The following WDR11 variants were observed in gnomAD, a reference collection of about 807,000 sequenced individuals.
WDR11 encodes WD repeat-containing protein 11.
Under a neutral mutation model 151.2 loss-of-function variants are expected in WDR11, and 83 were observed. The ratio of observed to expected loss-of-function variants is 0.55; its 90% CI spans 0.46 to 0.66. The LOEUF (loss-of-function observed/expected upper bound fraction) is 0.66. Among genes scored for constraint, WDR11 ranks in the 30% least tolerant of loss-of-function variants. The pLI is 0.00. For synonymous variants in WDR11, 484 were observed against 533.1 expected, an observed-to-expected ratio of 0.91 and a Z score of 1.27; for missense variants, 1,301 against 1,480.9, an observed-to-expected ratio of 0.88 and a Z score of 1.99.
chr10:120,878,263 T>G, intron 11 of WDR11, 90 bp from the exon 12 acceptor site: 1 of 966,856 alleles, frequency 1.0e-6, no homozygotes, highest in Non-Finnish European at 1.6e-6. Context: ...TAATAAAATT[T>G]AGGTCTTTGG....
chr10:120,883,186 T>C lies in WDR11; in HGVS notation c.1740-594T>C, dbSNP rs144613546. On this transcript the variant is annotated intron_variant, in intron 13 of 28. Transcript: ENST00000263461. ...AATCTCAGTCCTTTGATACAGGGAG[T>C]ACAGGGATCTTCCTACTCTGTCACA... is the stretch of plus-strand genomic sequence containing the variant. 7.2e-3 allele frequency among the ~76,000 whole-genome samples: 1,097 copies of C among 152,160 alleles called. 26 individuals carry two copies. The highest frequency in any genetic ancestry group is 0.025 in the African/African-American group (1,024 of 41,550).
chr10:120,902,070 T>A (rs1170619915), intron 21 of WDR11, among the ~76,000 whole-genome samples, 187 bp from the exon 22 acceptor site: 11 of 152,228 alleles, frequency 7.2e-5, no homozygotes, highest in Non-Finnish European at 1.2e-4. Context: ...CTCCAAGCCT[T>A]GAGAACACTC....
chr10:120,866,658 G>C lies in WDR11; in HGVS notation c.1084G>C (p.Val362Leu). The change falls in exon 8 of 29, where the codon GTG becomes CTG. Residue 362 changes from valine (V) to leucine (L), a missense_variant. Transcript: ENST00000263461. ...AAAAACCGTCCGTCCCTTCAGTATG[G>C]TGTGCTGTCCTGTCAATGAGAATGC... ...VTKTVRPFSM[V>L]CCPVNENAAA... 6.2e-7 allele frequency: 1 copy of C among 1,614,178 alleles called. No individual in the cohort carries two copies. The highest frequency in any genetic ancestry group is 8.5e-7 in the Non-Finnish European group (1 of 1,180,034).
At position 120,896,098 on chromosome 10, in the gene WDR11, A is replaced by G. The variant is rs79171329; in HGVS notation, c.2516-3931A>G. Among the ~76,000 whole-genome samples, 1,145 of 152,324 alleles carry G rather than the reference A, an allele frequency of 7.5e-3. 12 individuals carry two copies. Among genetic ancestry groups the G allele is most frequent in the African/African-American group, 0.026 (1,075 of 41,574 alleles). ...TGAATAAATCTGGGGACATCTGCAG[A>G]ATGGAGTAATCTATGCAGCTGTAAA... On this transcript the variant is annotated intron_variant, in intron 19 of 28. Transcript: ENST00000263461.
intron 2 of WDR11, chr10:120,856,238 A>G (rs1845940924): frequency 6.6e-6 from 1 of 152,208 alleles, no homozygotes; most frequent in African/African-American, 2.4e-5. Flanking sequence ...AAGGATATAG[A>G]ATTCTGGGTT....
intron 9 of WDR11, among the ~76,000 whole-genome samples, chr10:120,869,203 C>T (rs890755363): frequency 5.3e-5 from 8 of 150,588 alleles, no homozygotes; most frequent in Non-Finnish European, 8.8e-5. Context: ...CTCCGCCTCC[C>T]GGGTTCACGC....
chr10:120,890,909 G>A (rs778718679), intron 19 of WDR11, 22 bp downstream of exon 19: 18 of 1,613,412 alleles, frequency 1.1e-5, no homozygotes, highest in Admixed American at 3.3e-5. Context: ...TAATGATAGG[G>A]GGCTTTGAAA....
At position 120,865,523 on chromosome 10, in the gene WDR11, A is replaced by T. The variant is rs7920304; in HGVS notation, c.880-107A>T. On this transcript the variant is annotated intron_variant, in intron 6 of 28. Coordinates refer to ENST00000263461, the MANE Select transcript of WDR11 (RefSeq NM_018117.12). ...TAGTTTTAAAGTTTGGGATTTGTCTATTTTTTTTTCTTTTGCCCATATTAT... is the reference window on the plus strand; with the variant it reads ...TAGTTTTAAAGTTTGGGATTTGTCTTTTTTTTTTTCTTTTGCCCATATTAT... 87 of 762,318 alleles carry T rather than the reference A, an allele frequency of 1.1e-4. No homozygotes were observed. The African/African-American group carries it at 1.4e-3, about 12-fold the overall frequency. The allele number at this position is 762,318 out of a possible 1,614,324, so 47.2% of individuals were successfully genotyped here.
At chr10:120,904,866 A>T in intron 25 of WDR11, 55 bp downstream of exon 25, 1 of 1,600,188 alleles carries the variant, frequency 6.2e-7, no homozygotes, top group Middle Eastern at 1.7e-4. Flanking sequence ...CCTTGTTCCC[A>T]GCAAAGTATC....
chr10:120,897,082 C>T (rs1847640692), intron 19 of WDR11, among the ~76,000 whole-genome samples: 1 of 152,144 alleles, frequency 6.6e-6, no homozygotes, highest in Non-Finnish European at 1.5e-5. Context: ...GAGGACCTGA[C>T]ATAAGAGGCT....
At chr10:120,854,080 A>C (rs984202558) in intron 2 of WDR11, among the ~76,000 whole-genome samples, 3 of 152,282 alleles carry the variant, frequency 2.0e-5, no homozygotes, top group East Asian at 1.9e-4. Context: ...AAAATGCACA[A>C]TTCTGTGGCT....
chr10:120,906,607 A>G (rs1848057785), intron 27 of WDR11, 169 bp from the exon 28 acceptor site: 3 of 1,487,532 alleles, frequency 2.0e-6, no homozygotes, highest in Non-Finnish European at 2.7e-6. Context: ...AGATGTGAGT[A>G]TTCTTCCCTC....
chr10:120,894,152 T>G (rs1326132741), intron 19 of WDR11, among the ~76,000 whole-genome samples: 1 of 152,110 alleles, frequency 6.6e-6, no homozygotes, highest in African/African-American at 2.4e-5. Context: ...GTTTTAGGTC[T>G]AACATGTAAG....
chr10:120,894,731 A>G (rs955599444), intron 19 of WDR11, among the ~76,000 whole-genome samples: 5 of 152,164 alleles, frequency 3.3e-5, no homozygotes, highest in Admixed American at 6.5e-5. Context: ...CATACCTCAC[A>G]TAACTTTAGC....
intron 10 of WDR11, 41 bp downstream of exon 10, chr10:120,871,387 A>T: frequency 6.3e-7 from 1 of 1,586,002 alleles, no homozygotes. Context: ...AACTCACTTT[A>T]TAAGATGTTT....
At position 120,866,779 on chromosome 10, in the gene WDR11, A is replaced by G. The variant is rs1234136696; in HGVS notation, c.1190+15A>G. The G allele has an allele frequency of 6.2e-7, 1 of 1,614,006 alleles. No homozygotes were observed. Among genetic ancestry groups the G allele is most frequent in the Non-Finnish European group, 8.5e-7 (1 of 1,179,948 alleles). ...TCACGGAACAGGTAAATGAATCAAC[A>G]GGATCATGGTTTTGTTTTTTGTTTC... On this transcript the variant is annotated intron_variant, in intron 8 of 28. Coordinates refer to ENST00000263461, the MANE Select transcript of WDR11 (RefSeq NM_018117.12).
chr10:120,858,512 T>G, intron 2 of WDR11, 131 bp from the exon 3 acceptor site: 1 of 1,122,488 alleles, frequency 8.9e-7, no homozygotes, highest in Non-Finnish European at 1.3e-6. Flanking sequence ...TGAAAACCAG[T>G]TTTCTGTTTA....
intron 28 of WDR11, 74 bp downstream of exon 28, chr10:120,906,929 G>A: frequency 6.3e-7 from 1 of 1,594,438 alleles, no homozygotes; most frequent in Non-Finnish European, 8.6e-7. Context: ...TCCCTTAGTT[G>A]TGCTGCCTGG....
At chr10:120,906,479 ATTAC>A in intron 27 of WDR11, 1 of 1,288,088 alleles carries the variant, frequency 7.8e-7, no homozygotes, top group Non-Finnish European at 9.9e-7. Context: ...ATGACAAAAG[ATTAC>A]TTGTCAACTC....
Sources: gnomAD v4.1 joint callset for allele counts (sites outside exome capture counted in the v4.1 genomes callset) on GRCh38, gnomAD v4.1.1 for gene constraint, MANE v1.5 for transcripts, NCBI Gene and HGNC (gene_info 2026-07-23, HGNC 2026-07-21) for gene names.